The following GSG1L variants were observed in gnomAD, a reference collection of about 807,000 sequenced individuals.
GSG1L encodes germ cell-specific gene 1-like protein.
A neutral mutation model predicts 42.1 loss-of-function variants in GSG1L; 24 were observed. That is an observed-to-expected ratio of 0.57 (90% CI 0.41 to 0.80). GSG1L has a LOEUF of 0.80. Ranked by LOEUF, GSG1L falls within the 30% of genes least tolerant of loss-of-function variation. The pLI, the probability that GSG1L is intolerant of heterozygous loss-of-function variation, is 0.00. For missense variants in GSG1L, 445 were observed against 472.2 expected, an observed-to-expected ratio of 0.94 and a Z score of 0.53; for synonymous variants, 215 against 203.5, an observed-to-expected ratio of 1.06 and a Z score of -0.48.
intron 4 of GSG1L, among the ~76,000 whole-genome samples, chr16:27,843,950 C>T (rs1289662132): frequency 1.3e-5 from 2 of 152,180 alleles, no homozygotes; most frequent in African/African-American, 4.8e-5. Flanking sequence ...ATGCACCAGC[C>T]TTAGGAAGAG....
chr16:27,791,515 C>T (rs745667074), intron 6 of GSG1L, 48 bp from the exon 7 acceptor site: 12 of 1,307,836 alleles, frequency 9.2e-6, no homozygotes, highest in South Asian at 3.5e-5. Flanking sequence ...TTCCTCCACC[C>T]ACATCCTGTC....
intron 1 of GSG1L, among the ~76,000 whole-genome samples, chr16:27,983,719 A>T (rs1417130870): frequency 2.0e-5 from 3 of 152,092 alleles, no homozygotes; most frequent in African/African-American, 7.2e-5. Flanking sequence ...ACCCTATCTC[A>T]TTCTCCAAGA....
intron 2 of GSG1L, among the ~76,000 whole-genome samples, chr16:27,946,613 G>GAA (rs1567529938): frequency 5.8e-4 from 10 of 17,242 alleles, no homozygotes; most frequent in African/African-American, 2.0e-3. Context: ...GAGAGAGAGA[G>GAA]AGAGAGAGAG....
intron 2 of GSG1L, among the ~76,000 whole-genome samples, chr16:27,887,619 C>T (rs1163466316): frequency 6.6e-6 from 1 of 152,120 alleles, no homozygotes; most frequent in Non-Finnish European, 1.5e-5. Context: ...TGGAATGTCC[C>T]GGGGACATCC....
chr16:27,960,894 C>G (rs2085062800), intron 2 of GSG1L, among the ~76,000 whole-genome samples: 1 of 151,918 alleles, frequency 6.6e-6, no homozygotes, highest in African/African-American at 2.4e-5. Flanking sequence ...GTGTGGCTGC[C>G]AAGCCCTAAA....
At chr16:28,007,304 G>C (rs2085652567) in intron 1 of GSG1L, among the ~76,000 whole-genome samples, 1 of 152,184 alleles carries the variant, frequency 6.6e-6, no homozygotes, top group African/African-American at 2.4e-5. Flanking sequence ...AGGTTAGAGT[G>C]ACGGGCTTTG....
intron 3 of GSG1L, among the ~76,000 whole-genome samples, chr16:27,883,297 C>T (rs913654472): frequency 6.6e-6 from 1 of 151,916 alleles, no homozygotes; most frequent in Admixed American, 6.6e-5. Flanking sequence ...AGCTCTCCGT[C>T]CTTGGACAGC....
At chr16:27,951,394 C>T (rs2084948989) in intron 2 of GSG1L, among the ~76,000 whole-genome samples, 1 of 152,166 alleles carries the variant, frequency 6.6e-6, no homozygotes, top group African/African-American at 2.4e-5. Flanking sequence ...ATGTCTGTCT[C>T]TTTGAAATGG....
At chr16:28,011,831 C>T (rs987623397) in intron 1 of GSG1L, among the ~76,000 whole-genome samples, 5 of 152,124 alleles carry the variant, frequency 3.3e-5, no homozygotes, top group Non-Finnish European at 7.4e-5. Context: ...TCGCTTAAGC[C>T]GCTATAATTT....
intron 2 of GSG1L, among the ~76,000 whole-genome samples, chr16:27,934,521 T>C (rs1462195187): frequency 6.6e-6 from 1 of 151,736 alleles, no homozygotes; most frequent in Admixed American, 6.6e-5. Context: ...GGTGACAGAG[T>C]GAGACTCTGT....
intron 3 of GSG1L, among the ~76,000 whole-genome samples, chr16:27,854,668 C>T (rs1396469671): frequency 2.0e-5 from 3 of 152,138 alleles, no homozygotes; most frequent in Admixed American, 2.0e-4. Flanking sequence ...CCTGTATTTC[C>T]TGATGGCCAC....
intron 1 of GSG1L, among the ~76,000 whole-genome samples, chr16:28,030,888 T>TGAA (rs2085953877): frequency 7.3e-6 from 1 of 137,334 alleles, no homozygotes; most frequent in African/African-American, 2.8e-5. Context: ...TGGGTTGGGA[T>TGAA]AGGATGGGTT....
At chr16:27,977,321 G>A (rs201945815) in intron 1 of GSG1L, among the ~76,000 whole-genome samples, 1 of 152,044 alleles carries the variant, frequency 6.6e-6, no homozygotes, top group Non-Finnish European at 1.5e-5. Flanking sequence ...TAGCTCATTC[G>A]TGTAATCCCA....
At chr16:27,802,466 C>T (rs1245766981) in intron 6 of GSG1L, among the ~76,000 whole-genome samples, 1 of 152,152 alleles carries the variant, frequency 6.6e-6, no homozygotes, top group African/African-American at 2.4e-5. Flanking sequence ...GCCATCCCTG[C>T]TAATGCTCAG....
chr16:27,905,878 C>T (rs1460748114), intron 2 of GSG1L, among the ~76,000 whole-genome samples: 2 of 152,100 alleles, frequency 1.3e-5, no homozygotes, highest in Non-Finnish European at 2.9e-5. Context: ...CCCACCCCTG[C>T]CTCACCACCT....
chr16:27,935,952 G>A (rs894290904), intron 2 of GSG1L, among the ~76,000 whole-genome samples: 7 of 150,076 alleles, frequency 4.7e-5, no homozygotes, highest in South Asian at 4.3e-4. Context: ...AACCCGATCC[G>A]TATCTCAAGT....
At chr16:27,991,727 T>C (rs1222791750) in intron 1 of GSG1L, among the ~76,000 whole-genome samples, 1 of 152,184 alleles carries the variant, frequency 6.6e-6, no homozygotes, top group Non-Finnish European at 1.5e-5. Flanking sequence ...ATTCAAATTA[T>C]TAATGCTATG....
chr16:27,801,376 G>A (rs1271039251), intron 6 of GSG1L, among the ~76,000 whole-genome samples: 1 of 152,208 alleles, frequency 6.6e-6, no homozygotes, highest in Non-Finnish European at 1.5e-5. Context: ...GCCATCAAAT[G>A]AGATGGCAGA....
intron 1 of GSG1L, among the ~76,000 whole-genome samples, chr16:27,974,935 G>A (rs905138058): frequency 6.6e-6 from 1 of 152,082 alleles, no homozygotes; most frequent in East Asian, 1.9e-4. Context: ...TGAGGGGCTG[G>A]TAACCAAGGG....
Sources: gnomAD v4.1 joint callset for allele counts (sites outside exome capture counted in the v4.1 genomes callset) on GRCh38, gnomAD v4.1.1 for gene constraint, MANE v1.5 for transcripts, NCBI Gene and HGNC (gene_info 2026-07-23, HGNC 2026-07-21) for gene names.